Variants in SMG6 observed in about 807,000 individuals in gnomAD.
SMG6 encodes the protein SMG6 nonsense mediated mRNA decay factor, also known as telomerase-binding protein EST1A.
Under a neutral mutation model 142.2 loss-of-function variants are expected in SMG6, and 66 were observed. The ratio of observed to expected loss-of-function variants is 0.46; its 90% CI spans 0.38 to 0.57. The LOEUF is 0.57. Ranked by LOEUF, SMG6 falls within the 20% of genes least tolerant of loss-of-function variation. SMG6 has a pLI of 0.00. For missense variants in SMG6, 1,793 were observed against 1,832.0 expected (o/e 0.98, Z 0.39); for synonymous variants, 779 against 702.4 (o/e 1.11, Z -1.72).
intron 8 of SMG6, among the ~76,000 whole-genome samples, chr17:2,263,444 C>A (rs1462965064): frequency 6.6e-6 from 1 of 151,972 alleles, no homozygotes; most frequent in African/African-American, 2.4e-5. Context: ...ATGAACGACA[C>A]GGAAAAAACA....
At chr17:2,082,986 C>T (rs2068464873) in intron 14 of SMG6, among the ~76,000 whole-genome samples, 1 of 152,150 alleles carries the variant, frequency 6.6e-6, no homozygotes, top group Non-Finnish European at 1.5e-5. Flanking sequence ...GGTGCTATCA[C>T]CATCCCTATC....
At chr17:2,123,464 CAATT>C (rs1163997036) in intron 13 of SMG6, among the ~76,000 whole-genome samples, 2 of 152,200 alleles carry the variant, frequency 1.3e-5, no homozygotes, top group Non-Finnish European at 2.9e-5. Context: ...CTTTCATTGA[CAATT>C]AACTGCAAAC....
rs376612064 is a variant in SMG6 at position 2,253,390 on chromosome 17, G to A, written c.2662-8671C>T. The stretch of plus-strand genomic sequence containing the variant: ...GATCTCCTGACCTCCTGATCCGCCC[G>A]CCTCGGTCTCCCAAAGTAGCCTAAA... On this transcript the variant is annotated intron_variant, in intron 8 of 18. Coordinates refer to ENST00000263073, the MANE Select transcript of SMG6 (RefSeq NM_017575.5). Among the ~76,000 whole-genome samples, 13 of 152,082 alleles carry A rather than the reference G, an allele frequency of 8.5e-5. No homozygotes were observed. In the East Asian group the frequency reaches 1.9e-3, roughly 23 times the overall value.
At position 2,299,320 on chromosome 17, in the gene SMG6, T is replaced by C; in HGVS notation, c.1433A>G (p.Asp478Gly). The change falls in exon 2 of 19, where the codon GAC (aspartate) becomes GGC (glycine). Residue 478 changes from aspartate to glycine, a missense_variant. This residue lies in a region of SMG6 where 1,597 missense variants were observed against 1,584.6 expected (regional missense o/e 1.01). Transcript: ENST00000263073. The surrounding 1 kb of genome is among the most constrained non-coding windows in gnomAD (Gnocchi z 4.3). ...KTQTPQLHFL[D>G]TDDEVSPTSW... ...TGTAGGGCTGACTTCATCATCAGTG[T>C]CCAAGAAATGTAGCTGGGGCGTCTG... 6.2e-7 allele frequency: 1 copy of C among 1,614,070 alleles called. No homozygotes were observed. Among genetic ancestry groups the C allele is most frequent in the Non-Finnish European group, 8.5e-7 (1 of 1,180,016 alleles).
chr17:2,187,450 T>A (rs184465490), intron 11 of SMG6, among the ~76,000 whole-genome samples: 1 of 152,188 alleles, frequency 6.6e-6, no homozygotes, highest in African/African-American at 2.4e-5. Flanking sequence ...ATTTTGTCAA[T>A]GTTGACTTCC....
chr17:2,197,674 A>C (rs2072373912), intron 10 of SMG6, among the ~76,000 whole-genome samples: 1 of 152,210 alleles, frequency 6.6e-6, no homozygotes, highest in Admixed American at 6.5e-5. Context: ...AAAAAAAGAC[A>C]AACCAGATAT....
At chr17:2,140,923 A>G (rs1377969342) in intron 13 of SMG6, among the ~76,000 whole-genome samples, 2 of 152,186 alleles carry the variant, frequency 1.3e-5, no homozygotes, top group Admixed American at 6.5e-5. Context: ...GCTGGGCTCC[A>G]CCCTCAACTG....
chr17:2,081,688 G>A (rs1403185676), intron 15 of SMG6, 122 bp downstream of exon 15: 1 of 1,191,826 alleles, frequency 8.4e-7, no homozygotes, highest in Non-Finnish European at 1.2e-6. Context: ...TAGAGCTAGA[G>A]AGAACACTGC....
At position 2,300,236 on chromosome 17, in the gene SMG6, C is replaced by T; in HGVS notation, c.517G>A (p.Glu173Lys). Residue 173 changes from glutamate to lysine, a missense_variant, in exon 2 of 19, where the codon GAA (glutamate) becomes AAA (lysine). This residue lies in a region of SMG6 where 1,597 missense variants were observed against 1,584.6 expected (regional missense o/e 1.01). Coordinates refer to ENST00000263073, the MANE Select transcript of SMG6 (RefSeq NM_017575.5). ...VEEEEVLNQV[E>K]QLRVEEDECR... is the part of the protein sequence containing the mutation. ...TCATCTTCCTCTACTCTCAGTTGTT[C>T]TACCTGGTTGAGGACTTCTTCCTCC... is the stretch of plus-strand genomic sequence containing the variant. 1 of 1,614,162 alleles carries T rather than the reference C, an allele frequency of 6.2e-7. No individual in the cohort carries two copies. The highest frequency in any genetic ancestry group is 1.1e-5 in the South Asian group (1 of 91,082).
intron 13 of SMG6, among the ~76,000 whole-genome samples, chr17:2,162,357 A>T (rs1051120121): frequency 1.3e-5 from 2 of 151,440 alleles, no homozygotes; most frequent in East Asian, 1.9e-4. Context: ...CTAAAAATAT[A>T]AAAAAAATTA....
chr17:2,136,617 G>A (rs1597450711), intron 13 of SMG6, among the ~76,000 whole-genome samples: 1 of 151,974 alleles, frequency 6.6e-6, no homozygotes, highest in East Asian at 1.9e-4. Context: ...AGAGTCCTAA[G>A]TCAAACTCAG....
intron 13 of SMG6, among the ~76,000 whole-genome samples, chr17:2,148,345 G>A (rs1272505598): frequency 6.6e-6 from 1 of 152,198 alleles, no homozygotes; most frequent in Non-Finnish European, 1.5e-5. Context: ...GCCAAAAAGT[G>A]GAAGCAACCC....
At chr17:2,298,111 C>T (rs904805796) in intron 2 of SMG6, 56 bp from the exon 3 acceptor site, 6 of 1,515,586 alleles carry the variant, frequency 4.0e-6, no homozygotes, top group Middle Eastern at 2.1e-4. Context: ...AAAAGCTAGA[C>T]TCAAGTTTTG....
chr17:2,292,710 A>C, intron 5 of SMG6, 80 bp from the exon 6 acceptor site: 1 of 1,544,010 alleles, frequency 6.5e-7, no homozygotes, highest in Non-Finnish European at 8.9e-7. Context: ...CTAATACTTA[A>C]AACATAAGGT....
In SMG6 at chr17:2,299,204, C is replaced by T; in HGVS notation, c.1549G>A (p.Ala517Thr). ...TAGCCCGTATAGGGATACTGGGAGG[C>T]AGGGCCTGGTGTCCGGGGGTAATAA... ...PYYYPRTPGP[A>T]SQYPYTGYNP... The change falls in exon 2 of 19, where the codon GCC (alanine) becomes ACC (threonine). Residue 517 changes from alanine (A) to threonine (T), a missense_variant. By Grantham distance (58) the Ala-to-Thr change is moderately conservative (BLOSUM62 0). Around this residue, in one of 3 missense-constraint regions of SMG6, gnomAD observed 1,597 missense variants for 1,584.6 expected, o/e 1.01. Coordinates refer to ENST00000263073, the MANE Select transcript of SMG6 (RefSeq NM_017575.5). This position sits in a 1 kb window ranked among gnomAD's most constrained non-coding sequence, Gnocchi z 4.3. 6.2e-7 allele frequency: 1 copy of T among 1,613,538 alleles called. No individual in the cohort carries two copies. The highest frequency in any genetic ancestry group is 8.5e-7 in the Non-Finnish European group (1 of 1,179,730).
At chr17:2,236,360 C>G (rs2273984) in intron 10 of SMG6, 132 bp downstream of exon 10, 463,585 of 735,698 alleles carry the variant, frequency 0.63, 148,373 homozygotes, top group East Asian at 0.77. Context: ...TGGTAGGAAG[C>G]GTAGGGTAGG....
At chr17:2,218,412 G>A (rs993969873) in intron 10 of SMG6, among the ~76,000 whole-genome samples, 4 of 152,060 alleles carry the variant, frequency 2.6e-5, no homozygotes, top group African/African-American at 4.8e-5. Flanking sequence ...AGCCGGACAC[G>A]GTGGCGGGCG....
At chr17:2,244,810 C>G (rs1335716205) in intron 8 of SMG6, 91 bp from the exon 9 acceptor site, 7 of 1,121,370 alleles carry the variant, frequency 6.2e-6, no homozygotes, top group Non-Finnish European at 8.0e-6. Context: ...ATAACCTGGC[C>G]AGGGTCTAAG....
At chr17:2,126,328 A>G (rs192716956) in intron 13 of SMG6, among the ~76,000 whole-genome samples, 1 of 152,370 alleles carries the variant, frequency 6.6e-6, no homozygotes, top group African/African-American at 2.4e-5. Flanking sequence ...AAAAAGAGCT[A>G]AAACTAGAAA....
Sources: allele counts gnomAD v4.1 joint callset (sites outside exome capture counted in the v4.1 genomes callset), GRCh38; gene constraint gnomAD v4.1.1; regional missense constraint gnomAD v4.1.1; non-coding constraint Gnocchi (gnomAD v3.1); transcripts MANE v1.5; gene names NCBI Gene and HGNC (gene_info 2026-07-23, HGNC 2026-07-21).